Variants in ZBTB20 observed in about 807,000 individuals in gnomAD.
ZBTB20 encodes zinc finger and BTB domain containing 20, also known as zinc finger and BTB domain-containing protein 20.
In ZBTB20, 9 loss-of-function variants were observed where a neutral mutation model predicts 56.9. That is an observed-to-expected ratio of 0.16 (90% CI 0.10 to 0.28). The LOEUF is 0.28. Among genes scored for constraint, ZBTB20 ranks in the 10% least tolerant of loss-of-function variants. ZBTB20 has a pLI of 1.00. For synonymous variants in ZBTB20, 417 were observed against 420.7 expected (o/e 0.99, Z 0.11); for missense variants, 655 against 1,003.0 (o/e 0.65, Z 4.69).
chr3:114,658,609 T>C (rs2060541692), intron 6 of ZBTB20: 1 of 152,200 alleles, frequency 6.6e-6, no homozygotes. Context: ...TCCTCTATCA[T>C]GTAAACTTGC....
intron 1 of ZBTB20, among the ~76,000 whole-genome samples, chr3:115,101,546 A>G (rs2083583643): frequency 6.6e-6 from 1 of 152,008 alleles, no homozygotes; most frequent in African/African-American, 2.4e-5. Context: ...TAAAAACTAG[A>G]CTCTGCTTGA....
At chr3:114,688,983 T>C (rs2062528844) in intron 6 of ZBTB20, among the ~76,000 whole-genome samples, 2 of 152,178 alleles carry the variant, frequency 1.3e-5, no homozygotes, top group Admixed American at 1.3e-4. Flanking sequence ...GAGCATATTC[T>C]TCATATCACA....
At chr3:114,515,069 T>C (rs1034371012) in intron 6 of ZBTB20, among the ~76,000 whole-genome samples, 5 of 152,212 alleles carry the variant, frequency 3.3e-5, no homozygotes, top group African/African-American at 1.2e-4. Context: ...GGCTATGTTC[T>C]TGAATCCAGT....
At chr3:114,832,039 A>G (rs1313301655) in intron 4 of ZBTB20, among the ~76,000 whole-genome samples, 7 of 152,134 alleles carry the variant, frequency 4.6e-5, no homozygotes, top group South Asian at 2.1e-4. Flanking sequence ...ACGAAACAGA[A>G]TAAGCCTCTG....
chr3:114,572,938 T>G (rs2053593205), intron 6 of ZBTB20, among the ~76,000 whole-genome samples: 1 of 152,212 alleles, frequency 6.6e-6, no homozygotes, highest in Non-Finnish European at 1.5e-5. Context: ...CCAATAAAAG[T>G]GGTTCTTCCT....
chr3:114,912,320 T>A (rs1427555570), intron 3 of ZBTB20, among the ~76,000 whole-genome samples: 1 of 150,812 alleles, frequency 6.6e-6, no homozygotes, highest in Non-Finnish European at 1.5e-5. Flanking sequence ...TAAAATTATA[T>A]GAAAGAATAA....
chr3:114,986,035 T>C (rs886250882), intron 2 of ZBTB20, among the ~76,000 whole-genome samples: 1 of 152,088 alleles, frequency 6.6e-6, no homozygotes, highest in Non-Finnish European at 1.5e-5. Context: ...AACCCATCAG[T>C]GAAGCCTCCA....
At chr3:114,450,138 G>A (rs1016765797) in intron 7 of ZBTB20, among the ~76,000 whole-genome samples, 1 of 152,172 alleles carries the variant, frequency 6.6e-6, no homozygotes, top group African/African-American at 2.4e-5. Context: ...AAACTGAGTA[G>A]ACTCACAGAA....
At chr3:115,135,371 T>C (rs989670587) in intron 1 of ZBTB20, among the ~76,000 whole-genome samples, 2 of 152,200 alleles carry the variant, frequency 1.3e-5, no homozygotes, top group African/African-American at 2.4e-5. Context: ...GACTTCATTA[T>C]ACTTATTCCT....
chr3:114,532,897 G>A (rs998705840), intron 6 of ZBTB20, among the ~76,000 whole-genome samples: 4 of 152,170 alleles, frequency 2.6e-5, no homozygotes, highest in African/African-American at 9.7e-5. Flanking sequence ...CAGCAGAGAT[G>A]CCAGACTGTT....
chr3:114,476,212 T>G (rs2040746862), intron 7 of ZBTB20, among the ~76,000 whole-genome samples: 1 of 152,214 alleles, frequency 6.6e-6, no homozygotes, highest in Non-Finnish European at 1.5e-5. Flanking sequence ...CGTACTATAC[T>G]TAACACAGCA....
chr3:114,959,563 A>G (rs2107963383), intron 3 of ZBTB20, among the ~76,000 whole-genome samples: 1 of 152,294 alleles, frequency 6.6e-6, no homozygotes, highest in South Asian at 2.1e-4. Flanking sequence ...CCAACACCAA[A>G]TGCGGTTTTT....
chr3:114,995,499 T>C (rs574470159), intron 2 of ZBTB20, among the ~76,000 whole-genome samples: 1 of 151,946 alleles, frequency 6.6e-6, no homozygotes, highest in Non-Finnish European at 1.5e-5. Flanking sequence ...TTCAGAGTAG[T>C]CTTAACATTT....
chr3:114,951,137 A>G (rs1461267099), intron 3 of ZBTB20, among the ~76,000 whole-genome samples: 1 of 152,132 alleles, frequency 6.6e-6, no homozygotes, highest in African/African-American at 2.4e-5. Flanking sequence ...TCACTTACCT[A>G]TATTTTTATA....
chr3:115,067,391 T>C (rs983691156), intron 2 of ZBTB20, among the ~76,000 whole-genome samples: 4 of 152,064 alleles, frequency 2.6e-5, no homozygotes, highest in Admixed American at 1.3e-4. Context: ...CATGAGTGCC[T>C]CTTAAAAAAT....
chr3:114,483,812 C>A (rs2041818428), intron 7 of ZBTB20, among the ~76,000 whole-genome samples: 1 of 151,994 alleles, frequency 6.6e-6, no homozygotes, highest in African/African-American at 2.4e-5. Flanking sequence ...ATGATGTGAG[C>A]TTTATTAAAA....
At chr3:114,563,956 G>A (rs1224956471) in intron 6 of ZBTB20, among the ~76,000 whole-genome samples, 1 of 152,118 alleles carries the variant, frequency 6.6e-6, no homozygotes, top group Non-Finnish European at 1.5e-5. Context: ...TAGTTCTGGA[G>A]GTCAGAAAGT....
intron 2 of ZBTB20, among the ~76,000 whole-genome samples, chr3:114,991,299 T>G (rs976198224): frequency 2.0e-5 from 3 of 152,210 alleles, no homozygotes; most frequent in African/African-American, 7.2e-5. Context: ...GATTCTAGTA[T>G]GCTGTGTCTT....
At chr3:114,472,012 G>T (rs1299501245) in intron 7 of ZBTB20, among the ~76,000 whole-genome samples, 1 of 152,142 alleles carries the variant, frequency 6.6e-6, no homozygotes, top group Non-Finnish European at 1.5e-5. Context: ...GGATAAAAAG[G>T]ATTTCCTTAG....
Sources: gnomAD v4.1 joint callset for allele counts (sites outside exome capture counted in the v4.1 genomes callset) on GRCh38, gnomAD v4.1.1 for gene constraint, MANE v1.5 for transcripts, NCBI Gene and HGNC (gene_info 2026-07-23, HGNC 2026-07-21) for gene names.